Variants in SLC25A21 observed in about 807,000 individuals in gnomAD.
SLC25A21 encodes mitochondrial 2-oxodicarboxylate carrier.
SLC25A21 carries 47 observed loss-of-function variants against 43.8 expected under a neutral mutation model. That is an observed-to-expected ratio of 1.07 (90% CI 0.85 to 1.37). The LOEUF (loss-of-function observed/expected upper bound fraction) is 1.37. Ranked by LOEUF, SLC25A21 falls within the 40% of genes most tolerant of loss-of-function variation. The pLI is 0.00. For missense variants in SLC25A21, 352 were observed against 350.2 expected, an observed-to-expected ratio of 1.00 and a Z score of -0.04; for synonymous variants, 131 against 121.3, an observed-to-expected ratio of 1.08 and a Z score of -0.52.
intron 1 of SLC25A21, among the ~76,000 whole-genome samples, chr14:37,084,463 T>C (rs1342723710): frequency 1.3e-5 from 2 of 152,234 alleles, no homozygotes; most frequent in Non-Finnish European, 2.9e-5. Context: ...TTCAGTCTAC[T>C]TTTTATTTTT....
At position 37,118,457 on chromosome 14, in the gene SLC25A21, T is replaced by C. The variant is rs544469029; in HGVS notation, c.70+53824A>G. On this transcript the variant is annotated intron_variant, in intron 1 of 9. Transcript: ENST00000331299. ...TTTTTAGGGAGGCTGATTTGAGTAA[T>C]AATAAAACTCCGCTCTCCTGTTTAA... Among the ~76,000 whole-genome samples the C allele has an allele frequency of 2.6e-5, 4 of 152,268 alleles. No homozygotes were observed. In the South Asian group the frequency reaches 6.2e-4, roughly 24 times the overall value.
intron 1 of SLC25A21, among the ~76,000 whole-genome samples, chr14:37,088,870 ACTCT>A (rs762859172): frequency 6.6e-6 from 1 of 151,076 alleles, no homozygotes; most frequent in Admixed American, 6.6e-5. Flanking sequence ...TTTCTTTCTT[ACTCT>A]CTCTCTCTCT....
intron 3 of SLC25A21, among the ~76,000 whole-genome samples, chr14:36,743,725 G>T (rs1885372590): frequency 6.6e-6 from 1 of 152,032 alleles, no homozygotes; most frequent in South Asian, 2.1e-4. Flanking sequence ...GCAAGAGAAA[G>T]AAATAAAAGG....
intron 1 of SLC25A21, among the ~76,000 whole-genome samples, chr14:36,958,557 T>C (rs1004342563): frequency 2.0e-5 from 3 of 152,176 alleles, no homozygotes; most frequent in African/African-American, 7.2e-5. Flanking sequence ...AACTCTTCCT[T>C]GTGGAAACTA....
At chr14:36,791,340 T>C (rs1355698645) in intron 3 of SLC25A21, among the ~76,000 whole-genome samples, 1 of 152,162 alleles carries the variant, frequency 6.6e-6, no homozygotes, top group Non-Finnish European at 1.5e-5. Flanking sequence ...ACTTATTTCC[T>C]CTACCTAAAC....
At chr14:36,693,306 G>T (rs1237118308) in intron 7 of SLC25A21, among the ~76,000 whole-genome samples, 1 of 152,202 alleles carries the variant, frequency 6.6e-6, no homozygotes, top group African/African-American at 2.4e-5. Context: ...GCTCTGCTGT[G>T]AAAGATGTGA....
At chr14:37,138,878 A>C (rs1963526527) in intron 1 of SLC25A21, among the ~76,000 whole-genome samples, 1 of 152,190 alleles carries the variant, frequency 6.6e-6, no homozygotes, top group South Asian at 2.1e-4. Flanking sequence ...GTTTTTTACT[A>C]ATGTTCTTTG....
At chr14:36,995,154 T>C (rs938467448) in intron 1 of SLC25A21, among the ~76,000 whole-genome samples, 17 of 152,134 alleles carry the variant, frequency 1.1e-4, no homozygotes, top group African/African-American at 4.1e-4. Context: ...TGGTGCTGAC[T>C]TATCCAATTT....
At chr14:37,163,138 T>G (rs1963975616) in intron 1 of SLC25A21, among the ~76,000 whole-genome samples, 1 of 147,150 alleles carries the variant, frequency 6.8e-6, no homozygotes, top group Admixed American at 6.8e-5. Context: ...CTGGGGACAG[T>G]TGTGGGGTGG....
intron 1 of SLC25A21, among the ~76,000 whole-genome samples, chr14:37,059,169 T>C (rs945675020): frequency 1.3e-5 from 2 of 152,202 alleles, no homozygotes; most frequent in African/African-American, 2.4e-5. Context: ...ATAACAGTAA[T>C]AGTCCACATT....
chr14:37,051,246 T>C (rs1323105596), intron 1 of SLC25A21, among the ~76,000 whole-genome samples: 1 of 152,154 alleles, frequency 6.6e-6, no homozygotes, highest in Non-Finnish European at 1.5e-5. Flanking sequence ...TCTCAAAATA[T>C]CTATCATTAA....
At chr14:36,703,028 G>A (rs1277043859) in intron 7 of SLC25A21, among the ~76,000 whole-genome samples, 1 of 152,122 alleles carries the variant, frequency 6.6e-6, no homozygotes, top group Non-Finnish European at 1.5e-5. Flanking sequence ...ATAGATAATA[G>A]GTACTTGTAG....
chr14:36,891,713 C>T (rs1329049209), intron 1 of SLC25A21, among the ~76,000 whole-genome samples: 1 of 152,052 alleles, frequency 6.6e-6, no homozygotes, highest in African/African-American at 2.4e-5. Flanking sequence ...ATGTGACTAA[C>T]TTTTCACCTA....
chr14:37,024,642 A>C (rs944415572), intron 1 of SLC25A21, among the ~76,000 whole-genome samples: 1 of 151,276 alleles, frequency 6.6e-6, no homozygotes, highest in African/African-American at 2.4e-5. Flanking sequence ...TATTGCTTTA[A>C]AAAAAAACAG....
intron 1 of SLC25A21, among the ~76,000 whole-genome samples, chr14:37,076,324 C>T (rs1387291786): frequency 6.6e-6 from 1 of 151,240 alleles, no homozygotes. Flanking sequence ...CCAGGCCCAG[C>T]GAATTTTTGT....
At chr14:36,692,387 A>AT (rs2139153683) in intron 7 of SLC25A21, among the ~76,000 whole-genome samples, 1 of 152,346 alleles carries the variant, frequency 6.6e-6, no homozygotes, top group East Asian at 1.9e-4. Flanking sequence ...TTTGTAGCTA[A>AT]TTTAACCATA....
intron 3 of SLC25A21, among the ~76,000 whole-genome samples, chr14:36,743,500 GC>G (rs1225189138): frequency 6.6e-6 from 1 of 151,864 alleles, no homozygotes; most frequent in Non-Finnish European, 1.5e-5. Context: ...CAATCATGGA[GC>G]AAAAAAAGTC....
At chr14:36,737,678 T>C (rs541549745) in intron 3 of SLC25A21, among the ~76,000 whole-genome samples, 5 of 152,312 alleles carry the variant, frequency 3.3e-5, no homozygotes, top group African/African-American at 1.2e-4. Flanking sequence ...CACATTCGTA[T>C]AATATGATAC....
chr14:36,904,234 T>C (rs965955941), intron 1 of SLC25A21, among the ~76,000 whole-genome samples: 4 of 152,190 alleles, frequency 2.6e-5, no homozygotes, highest in Admixed American at 1.3e-4. Context: ...TCAATAGATA[T>C]GGAGAAATAA....
Sources: gnomAD v4.1 joint callset for allele counts (sites outside exome capture counted in the v4.1 genomes callset) on GRCh38, gnomAD v4.1.1 for gene constraint, MANE v1.5 for transcripts, NCBI Gene and HGNC (gene_info 2026-07-23, HGNC 2026-07-21) for gene names.